BRWD3: variants seen among roughly 807,000 people sequenced by gnomAD.
BRWD3 encodes the protein bromodomain and WD repeat domain containing 3.
In BRWD3, 10 loss-of-function variants were observed where a neutral mutation model predicts 149.7. The ratio of observed to expected loss-of-function variants is 0.07; its 90% CI spans 0.04 to 0.11. The LOEUF (loss-of-function observed/expected upper bound fraction) is 0.11, where lower values mean the gene tolerates loss of function less well. Ranked by LOEUF, BRWD3 falls within the 10% of genes least tolerant of loss-of-function variation. The pLI, the probability that BRWD3 is intolerant of heterozygous loss-of-function variation, is 1.00. For synonymous variants in BRWD3, 504 were observed against 456.7 expected (o/e 1.10, Z -1.32); for missense variants, 940 against 1,373.2 (o/e 0.68, Z 4.99).
chrX:80,773,587 G>A (rs766706068), intron 6 of BRWD3, among the ~76,000 whole-genome samples: 1 of 111,615 alleles, frequency 9.0e-6, no homozygotes, highest in South Asian at 3.8e-4. Flanking sequence ...AACTAAGCTA[G>A]CTCAGTCCCT....
At chrX:80,746,423 C>T (rs928705906) in intron 6 of BRWD3, among the ~76,000 whole-genome samples, 3 of 109,763 alleles carry the variant, frequency 2.7e-5, no homozygotes, top group Admixed American at 9.9e-5. Context: ...CCTTGTTCTG[C>T]ATTTTCTTAA....
intron 24 of BRWD3, 65 bp from the exon 25 acceptor site, chrX:80,700,129 A>G (rs1345156691): frequency 3.9e-6 from 3 of 765,819 alleles, no homozygotes; most frequent in Non-Finnish European, 5.9e-6. Flanking sequence ...TCCAATATAC[A>G]TTCCTACAAA....
At chrX:80,743,323 T>C (rs1416229635) in intron 8 of BRWD3, among the ~76,000 whole-genome samples, 1 of 112,012 alleles carries the variant, frequency 8.9e-6, no homozygotes, top group Non-Finnish European at 1.9e-5. Context: ...GATTTTTGCA[T>C]CGATGTTCAT....
intron 30 of BRWD3, 147 bp downstream of exon 30, chrX:80,691,672 CTGCT>C: frequency 1.4e-6 from 1 of 739,519 alleles, no homozygotes; most frequent in Non-Finnish European, 2.0e-6. Context: ...GCATATAAAA[CTGCT>C]AATATTAAAA....
intron 6 of BRWD3, among the ~76,000 whole-genome samples, chrX:80,763,446 C>A (rs1225820110): frequency 8.9e-6 from 1 of 111,740 alleles, no homozygotes; most frequent in African/African-American, 3.2e-5. Context: ...CTACCTAGAA[C>A]ATAAATCTGC....
chrX:80,808,879 T>C (rs1040473973), intron 3 of BRWD3, 134 bp downstream of exon 3: 20 of 717,139 alleles, frequency 2.8e-5, no homozygotes, highest in African/African-American at 4.3e-5. Flanking sequence ...AAGAAGCCAA[T>C]TCACCCCGGT....
At chrX:80,687,145 T>C in intron 34 of BRWD3, 142 bp from the exon 35 acceptor site, 1 of 444,566 alleles carries the variant, frequency 2.2e-6, no homozygotes, top group Non-Finnish European at 3.4e-6. Context: ...TTTTAGTTTC[T>C]TAGTTTAAAT....
chrX:80,780,724 G>C (rs771105438), intron 6 of BRWD3, among the ~76,000 whole-genome samples: 2 of 112,044 alleles, frequency 1.8e-5, no homozygotes, highest in Non-Finnish European at 3.8e-5. Flanking sequence ...AGAGTACAAA[G>C]AGGAGGAAGG....
At chrX:80,780,538 C>T (rs1411378093) in intron 6 of BRWD3, among the ~76,000 whole-genome samples, 2 of 111,573 alleles carry the variant, frequency 1.8e-5, no homozygotes, top group Middle Eastern at 8.4e-3. Context: ...CATGTGGCAA[C>T]AATCATAGCA....
chrX:80,706,152 A>G (rs896191944), intron 22 of BRWD3, among the ~76,000 whole-genome samples: 1 of 110,630 alleles, frequency 9.0e-6, no homozygotes, highest in African/African-American at 3.3e-5. Flanking sequence ...CTTGTCGCAC[A>G]GGCTGGAGTG....
intron 20 of BRWD3, among the ~76,000 whole-genome samples, chrX:80,712,612 C>G (rs1392798439): frequency 1.8e-5 from 2 of 108,791 alleles, no homozygotes; most frequent in Non-Finnish European, 3.8e-5. Context: ...GGCTGCCCAT[C>G]GTCTGGGATG....
chrX:80,728,754 A>G lies in BRWD3; in HGVS notation c.1384T>C (p.Ser462Pro), dbSNP rs202197853. The G allele has an allele frequency of 6.4e-5, 76 of 1,195,469 alleles. No individual in the cohort carries two copies. The highest frequency in any genetic ancestry group is 8.1e-5 in the Non-Finnish European group (72 of 883,824). Reference sequence around the variant, plus strand: ...TACTCTAAAAATAAAATACTTACAGATAATGTATGAAGAAGCTGTCCTGTG... The same window carrying G: ...TACTCTAAAAATAAAATACTTACAGGTAATGTATGAAGAAGCTGTCCTGTG... ...SITGQLLHTL[S>P]GHDDEVFVLE... The change falls in exon 14 of 41, where the codon TCT becomes CCT. Residue 462 changes from serine (S) to proline (P), a missense_variant and splice_region_variant. By Grantham distance (74) the Ser-to-Pro change is moderately conservative (BLOSUM62 -1). This residue lies in a region of BRWD3 where 209 missense variants were observed against 396.8 expected (regional missense o/e 0.53). Transcript: ENST00000373275.
chrX:80,688,192 C>T, intron 33 of BRWD3, 67 bp from the exon 34 acceptor site: 1 of 864,924 alleles, frequency 1.2e-6, no homozygotes, highest in East Asian at 3.1e-5. Flanking sequence ...ATTAGATGGA[C>T]ATTTACAAAT....
chrX:80,709,369 GGAT>G (rs2072923284), intron 21 of BRWD3, 56 bp downstream of exon 21: 3 of 1,053,229 alleles, frequency 2.8e-6, no homozygotes, highest in African/African-American at 3.8e-5. Flanking sequence ...AAACCCAAAT[GGAT>G]GATACAAACT....
At chrX:80,689,540 T>G (rs934042143) in intron 33 of BRWD3, among the ~76,000 whole-genome samples, 1 of 111,675 alleles carries the variant, frequency 9.0e-6, no homozygotes, top group African/African-American at 3.2e-5. Context: ...GTCACTTACA[T>G]CCACTGTGTC....
At chrX:80,801,867 G>A (rs1460348355) in intron 4 of BRWD3, among the ~76,000 whole-genome samples, 1 of 109,493 alleles carries the variant, frequency 9.1e-6, no homozygotes, top group Non-Finnish European at 1.9e-5. Context: ...ATAATATATA[G>A]AAAATAAATT....
At chrX:80,692,846 C>A in intron 28 of BRWD3, 94 bp downstream of exon 28, 1 of 683,203 alleles carries the variant, frequency 1.5e-6, no homozygotes, top group Non-Finnish European at 2.4e-6. Flanking sequence ...CTAGATAAGT[C>A]AGATAAAAGG....
At chrX:80,683,189 T>C (rs2072479669) in intron 37 of BRWD3, among the ~76,000 whole-genome samples, 1 of 111,240 alleles carries the variant, frequency 9.0e-6, no homozygotes, top group African/African-American at 3.3e-5. Flanking sequence ...TTCATAACAC[T>C]TAAGTAACAA....
intron 23 of BRWD3, 41 bp downstream of exon 23, chrX:80,704,637 C>CA (rs769882706): frequency 9.6e-5 from 111 of 1,161,522 alleles, no homozygotes; most frequent in Non-Finnish European, 1.1e-4. Context: ...AGGCAAAAAA[C>CA]AAAAAATAAC....
Sources: allele counts gnomAD v4.1 joint callset (sites outside exome capture counted in the v4.1 genomes callset), GRCh38; gene constraint gnomAD v4.1.1; regional missense constraint gnomAD v4.1.1; transcripts MANE v1.5; gene names NCBI Gene and HGNC (gene_info 2026-07-23, HGNC 2026-07-21).